CLNK: variants seen among roughly 807,000 people sequenced by gnomAD.
The protein encoded by CLNK is cytokine dependent hematopoietic cell linker.
In CLNK, 74 loss-of-function variants were observed where a neutral mutation model predicts 68.6. That is an observed-to-expected ratio of 1.08 (90% CI 0.89 to 1.31). The LOEUF is 1.31. Ranked by LOEUF, CLNK falls within the 50% of genes most tolerant of loss-of-function variation. The probability of loss-of-function intolerance (pLI) is 0.00; values close to 1 mark genes in which losing one functional copy is unlikely to be tolerated. For synonymous variants in CLNK, 198 were observed against 172.2 expected, an observed-to-expected ratio of 1.15 and a Z score of -1.17; for missense variants, 553 against 515.3, an observed-to-expected ratio of 1.07 and a Z score of -0.71.
chr4:10,715,908 C>T, the CLNK span, among the ~76,000 whole-genome samples: 1 of 152,174 alleles, frequency 6.6e-6, no homozygotes, highest in Non-Finnish European at 1.5e-5. Context: ...CTCGTAGCTG[C>T]TTGGCAGAGA....
At chr4:10,725,835 C>T in the CLNK span, among the ~76,000 whole-genome samples, 233 of 148,090 alleles carry the variant, frequency 1.6e-3, no homozygotes, top group Non-Finnish European at 2.9e-3. Flanking sequence ...GCCTGGGCGA[C>T]AGAGGGAGAC....
At chr4:10,560,134 C>A (rs562494333) in intron 7 of CLNK, among the ~76,000 whole-genome samples, 151 of 152,332 alleles carry the variant, frequency 9.9e-4, no homozygotes, top group Middle Eastern at 3.4e-3. Flanking sequence ...TGGCTACTCT[C>A]GGAGATGCAG....
chr4:10,706,984 G>A, the CLNK span, among the ~76,000 whole-genome samples: 11 of 152,170 alleles, frequency 7.2e-5, no homozygotes, highest in Admixed American at 1.3e-4. Context: ...GTTTCACCAC[G>A]TTGGCCAGGC....
chr4:10,551,887 G>C (rs184018189), intron 8 of CLNK, among the ~76,000 whole-genome samples: 2 of 147,302 alleles, frequency 1.4e-5, no homozygotes, highest in African/African-American at 5.0e-5. Flanking sequence ...TCACTCTGTC[G>C]TCCAGGCTGG....
intron 4 of CLNK, among the ~76,000 whole-genome samples, chr4:10,577,246 G>A (rs1029640694): frequency 1.3e-5 from 2 of 152,218 alleles, no homozygotes; most frequent in African/African-American, 4.8e-5. Flanking sequence ...GAAGACTCAG[G>A]GGAGTGGAGA....
chr4:10,608,758 G>A (rs935681592), intron 2 of CLNK, among the ~76,000 whole-genome samples: 2 of 152,138 alleles, frequency 1.3e-5, no homozygotes, highest in Non-Finnish European at 2.9e-5. Context: ...GAGTCAGTTC[G>A]GGCTGCTATA....
chr4:10,602,193 C>T (rs1219458395), intron 2 of CLNK, among the ~76,000 whole-genome samples: 1 of 152,112 alleles, frequency 6.6e-6, no homozygotes, highest in Non-Finnish European at 1.5e-5. Flanking sequence ...TTGCCTTGTC[C>T]CTATCTAATT....
At chr4:10,602,335 T>G (rs2108848118) in intron 2 of CLNK, among the ~76,000 whole-genome samples, 1 of 152,328 alleles carries the variant, frequency 6.6e-6, no homozygotes, top group Non-Finnish European at 1.5e-5. Context: ...CCCAAAACTG[T>G]ACATGTGACC....
intron 8 of CLNK, among the ~76,000 whole-genome samples, chr4:10,550,935 C>A (rs1352623198): frequency 6.6e-6 from 1 of 152,170 alleles, no homozygotes; most frequent in Non-Finnish European, 1.5e-5. Flanking sequence ...TGAGATTCCA[C>A]GCAGCGAATC....
intron 8 of CLNK, among the ~76,000 whole-genome samples, chr4:10,554,994 T>C (rs1031861145): frequency 2.0e-5 from 3 of 152,240 alleles, no homozygotes; most frequent in Non-Finnish European, 4.4e-5. Context: ...TACTTGCTGA[T>C]GGCCTTGAGC....
rs1720362654 is a variant in CLNK, at chr4:10,571,733, T to A, written c.150+8A>T. On this transcript the variant is annotated splice_region_variant and intron_variant, in intron 5 of 18. Transcript: ENST00000226951. Reference sequence around the variant, plus strand: ...GTATAAAATAGATAAGGGAAGCAGCTGACTTACCCAGTCTAGAAGAGGCTT... The same window carrying A: ...GTATAAAATAGATAAGGGAAGCAGCAGACTTACCCAGTCTAGAAGAGGCTT... 6.2e-7 allele frequency: 1 copy of A among 1,609,258 alleles called. No homozygotes were observed. Among genetic ancestry groups the A allele is most frequent in the Admixed American group, 1.7e-5 (1 of 59,980 alleles).
rs553885000 is a variant in CLNK at position 10,500,965 on chromosome 4, G to T, written c.1140+291C>A. Among the ~76,000 whole-genome samples the T allele has an allele frequency of 3.9e-5, 6 of 152,346 alleles. No homozygotes were observed. In the South Asian group the frequency reaches 1.2e-3, roughly 32 times the overall value. ...GGAGGGAAAGGAATTTGGCATTAGT[G>T]TATGCTCCGCTGGAAGCTTCCTGGG... On this transcript the variant is annotated intron_variant, in intron 18 of 18. Coordinates refer to ENST00000226951, the MANE Select transcript of CLNK (RefSeq NM_052964.4).
intron 2 of CLNK, among the ~76,000 whole-genome samples, chr4:10,611,813 C>T (rs1370811466): frequency 6.6e-6 from 1 of 152,158 alleles, no homozygotes; most frequent in African/African-American, 2.4e-5. Context: ...TCCTCCAATC[C>T]ATTCACTGTG....
chr4:10,715,229 C>T, the CLNK span, among the ~76,000 whole-genome samples: 1 of 152,214 alleles, frequency 6.6e-6, no homozygotes, highest in Non-Finnish European at 1.5e-5. Context: ...ATAAGCCCCT[C>T]TCTAGACCTA....
At chr4:10,508,363 G>T (rs1717404504) in intron 16 of CLNK, among the ~76,000 whole-genome samples, 1 of 152,134 alleles carries the variant, frequency 6.6e-6, no homozygotes, top group Non-Finnish European at 1.5e-5. Context: ...GGCTTGTTGA[G>T]GTGGAAATGT....
At position 10,665,823 on chromosome 4, in the gene CLNK, G is replaced by A. The variant is rs544330929; in HGVS notation, c.11+2036C>T. On this transcript the variant is annotated intron_variant, in intron 2 of 18. Transcript: ENST00000226951. Reference sequence around the variant, plus strand: ...AGTGAGTGTGAAGATAAAGGCTGCTGCCCTGGACTGAATGGTGGCCCTACA... The same window carrying A: ...AGTGAGTGTGAAGATAAAGGCTGCTACCCTGGACTGAATGGTGGCCCTACA... Among the ~76,000 whole-genome samples the A allele has an allele frequency of 5.3e-5, 8 of 152,294 alleles. No individual in the cohort carries two copies. In the South Asian group the frequency reaches 1.7e-3, roughly 32 times the overall value.
At chr4:10,703,564 T>C in the CLNK span, among the ~76,000 whole-genome samples, 2 of 152,158 alleles carry the variant, frequency 1.3e-5, no homozygotes, top group Admixed American at 6.5e-5. Flanking sequence ...GAGAGCAGAA[T>C]CTTTTCTGGG....
chr4:10,654,656 A>T lies in CLNK; in HGVS notation c.11+13203T>A, dbSNP rs78606842. On this transcript the variant is annotated intron_variant, in intron 2 of 18. Transcript: ENST00000226951. ...TGATATAATTATCTATATAACAAAC[A>T]TAAAAGAATAAACAGATTATTCGAA... Among the ~76,000 whole-genome samples, 35 of 151,922 alleles carry T rather than the reference A, an allele frequency of 2.3e-4. 1 individual carries two copies. In the East Asian group the frequency reaches 6.8e-3, roughly 29 times the overall value.
chr4:10,573,802 C>A (rs1193758278), intron 4 of CLNK, among the ~76,000 whole-genome samples: 1 of 152,150 alleles, frequency 6.6e-6, no homozygotes, highest in Non-Finnish European at 1.5e-5. Flanking sequence ...TCCCAGATTC[C>A]CCAAATACGC....
Sources: allele counts gnomAD v4.1 joint callset (sites outside exome capture counted in the v4.1 genomes callset), GRCh38; gene constraint gnomAD v4.1.1; transcripts MANE v1.5; gene names NCBI Gene and HGNC (gene_info 2026-07-23, HGNC 2026-07-21).